The following DYNC2H1 variants were observed in gnomAD, a reference collection of about 807,000 sequenced individuals.
DYNC2H1 encodes dynein cytoplasmic 2 heavy chain 1, also known as cytoplasmic dynein 2 heavy chain 1.
Under a neutral mutation model 570.0 loss-of-function variants are expected in DYNC2H1, and 410 were observed. That is an observed-to-expected ratio of 0.72 (90% confidence interval 0.66 to 0.78). The LOEUF is 0.78. Among genes scored for constraint, DYNC2H1 ranks in the 30% least tolerant of loss-of-function variants. The pLI is 0.00. For missense variants in DYNC2H1, 4,865 were observed against 5,046.4 expected (o/e 0.96, Z 1.09); for synonymous variants, 1,688 against 1,677.6 (o/e 1.01, Z -0.15).
At position 103,158,932 on chromosome 11, in the gene DYNC2H1, G is replaced by T; in HGVS notation, c.4283G>T (p.Arg1428Ile). ...TAGGAAAAACGCTCAGCATTCCCAAGATTTTATTTTATTGGTGATGATGAC... is the reference window on the plus strand; with the variant it reads ...TAGGAAAAACGCTCAGCATTCCCAATATTTTATTTTATTGGTGATGATGAC... The part of the protein sequence containing the change: ...FLEEKRSAFP[R>I]FYFIGDDDLL... Residue 1428 changes from arginine to isoleucine, a missense_variant, in exon 28 of 89, where the codon AGA becomes ATA. By Grantham distance (97) the Arg-to-Ile change is moderately conservative. Coordinates refer to ENST00000375735, the MANE Select transcript of DYNC2H1 (RefSeq NM_001377.3). 6.2e-7 allele frequency: 1 copy of T among 1,610,018 alleles called. No individual in the cohort carries two copies. Among genetic ancestry groups the T allele is most frequent in the Non-Finnish European group, 8.5e-7 (1 of 1,178,940 alleles).
Position 103,143,276 on chromosome 11 carries a change from T to C in DYNC2H1, c.2583T>C (p.Ile861=), listed in dbSNP as rs778056779. 40 of 1,613,198 alleles carry C rather than the reference T, an allele frequency of 2.5e-5. No homozygotes were observed. Among genetic ancestry groups the C allele is most frequent in the Non-Finnish European group, 3.1e-5 (36 of 1,179,582 alleles). The change falls in exon 18 of 89, where the codon ATT becomes ATC. Residue 861 remains isoleucine, a synonymous_variant. Transcript: ENST00000375735. ...SAVLHQHKEW[I]VIGQVDMEAL... Reference sequence around the variant, plus strand: ...TTTCTTTCTTTAAATAGGAATGGATTGTAATTGGGCAAGTTGATATGGAAG... The same window carrying C: ...TTTCTTTCTTTAAATAGGAATGGATCGTAATTGGGCAAGTTGATATGGAAG...
Position 103,465,972 on chromosome 11 carries a change from G to C in DYNC2H1, c.12649-2617G>C, listed in dbSNP as rs1030234694. 6.6e-6 allele frequency among the ~76,000 whole-genome samples: 1 copy of C among 152,156 alleles called. No individual in the cohort carries two copies. The highest frequency in any genetic ancestry group is 1.5e-5 in the Non-Finnish European group (1 of 68,036). ...GCAGCCAAGCTTACTTGGCAAAGGGGTGCATATTAGGAGGAGAGGAATGTT... is the reference window on the plus strand; with the variant it reads ...GCAGCCAAGCTTACTTGGCAAAGGGCTGCATATTAGGAGGAGAGGAATGTT... On this transcript the variant is annotated intron_variant, in intron 87 of 88. Coordinates refer to ENST00000375735, the MANE Select transcript of DYNC2H1 (RefSeq NM_001377.3). The surrounding 1 kb of genome is among the most constrained non-coding windows in gnomAD (Gnocchi z 4.9).
chr11:103,214,762 T>G (rs1310362039), intron 54 of DYNC2H1, among the ~76,000 whole-genome samples: 1 of 151,568 alleles, frequency 6.6e-6, no homozygotes, highest in Non-Finnish European at 1.5e-5. Flanking sequence ...CTAATACTTT[T>G]GATCCATGAG....
intron 70 of DYNC2H1, among the ~76,000 whole-genome samples, chr11:103,262,105 T>C (rs1322887766): frequency 1.3e-5 from 2 of 152,042 alleles, no homozygotes; most frequent in Non-Finnish European, 2.9e-5. Flanking sequence ...ATATCAGAGA[T>C]TGAAGATCAA....
intron 36 of DYNC2H1, among the ~76,000 whole-genome samples, chr11:103,174,698 A>G (rs1161400306): frequency 6.6e-6 from 1 of 152,166 alleles, no homozygotes; most frequent in East Asian, 1.9e-4. Flanking sequence ...GTTTGGAAAG[A>G]ATACCGCAGA....
At chr11:103,155,229 A>T in intron 24 of DYNC2H1, 102 bp from the exon 25 acceptor site, 1 of 1,098,524 alleles carries the variant, frequency 9.1e-7, no homozygotes, top group Non-Finnish European at 1.3e-6. Flanking sequence ...AATAATTAAA[A>T]TTTTGGTAAC....
chr11:103,117,858 G>A lies in DYNC2H1; in HGVS notation c.994G>A (p.Glu332Lys). ...ACTTGACAAACTTGGCAAACGCCTT[G>A]AAGAGGTATCAATTTGATTATCTAG... The part of the protein sequence containing the change: ...ETLDKLGKRL[E>K]EVLAIRTIHE... The change falls in exon 6 of 89, where the codon GAA becomes AAA. Residue 332 changes from glutamate (E) to lysine (K), a missense_variant. Around this residue, in one of 5 missense-constraint regions of DYNC2H1, gnomAD observed 1,936 missense variants for 1,962.1 expected, o/e 0.99. Transcript: ENST00000375735. 5.6e-6 allele frequency: 9 copies of A among 1,609,202 alleles called. No homozygotes were observed. Among genetic ancestry groups the A allele is most frequent in the Non-Finnish European group, 7.6e-6 (9 of 1,177,238 alleles).
intron 65 of DYNC2H1, among the ~76,000 whole-genome samples, chr11:103,247,618 CA>C (rs1371937023): frequency 6.6e-6 from 1 of 152,028 alleles, no homozygotes; most frequent in Non-Finnish European, 1.5e-5. Context: ...AACTACCTAA[CA>C]ACAAATAATT....
intron 40 of DYNC2H1, among the ~76,000 whole-genome samples, chr11:103,182,242 T>A (rs563422913): frequency 2.0e-5 from 3 of 150,516 alleles, no homozygotes; most frequent in Non-Finnish European, 4.4e-5. Context: ...TATGTATATA[T>A]AATATATAGG....
intron 83 of DYNC2H1, among the ~76,000 whole-genome samples, chr11:103,383,676 A>G (rs372316197): frequency 1.7e-4 from 26 of 151,748 alleles, no homozygotes; most frequent in African/African-American, 6.0e-4. Context: ...GGGTTTCACC[A>G]TGTTAGCCAG....
Position 103,257,711 on chromosome 11 carries a change from C to T in DYNC2H1, c.10565C>T (p.Ala3522Val), listed in dbSNP as rs1565438414. The change falls in exon 69 of 89, where the codon GCT (alanine) becomes GTT (valine). Residue 3522 changes from alanine to valine, a missense_variant. Transcript: ENST00000375735. Reference protein sequence around the residue: ...INNMYRFSLAAFLRLFQRALQ... With the variant: ...INNMYRFSLAVFLRLFQRALQ... ...AACATGTACCGTTTTAGTTTGGCTG[C>T]TTTTCTCCGACTTTTCCAACGAGCT... 6.2e-7 allele frequency: 1 copy of T among 1,607,020 alleles called. No individual in the cohort carries two copies. The highest frequency in any genetic ancestry group is 2.2e-5 in the East Asian group (1 of 44,670).
Position 103,280,262 on chromosome 11 carries a change from A to AT in DYNC2H1, c.10696-81dup, listed in dbSNP as rs568443720. On this transcript the variant is annotated intron_variant, in intron 70 of 88. Transcript: ENST00000375735. The surrounding 1 kb of genome is among the most constrained non-coding windows in gnomAD (Gnocchi z 4.7). ...TAGGTCATATGAAGACAGAATAGAG[A>AT]TTTTTGTGTGCCAAATTTTAACGAC... is the stretch of plus-strand genomic sequence containing the variant. The AT allele has an allele frequency of 4.4e-4, 595 of 1,348,652 alleles. No individual in the cohort carries two copies. In the African/African-American group the frequency reaches 7.6e-3, roughly 17 times the overall value. The allele number at this position is 1,348,652 out of a possible 1,614,324, so 83.5% of individuals were successfully genotyped here. A position where few individuals can be genotyped will look rare whatever the true frequency, so the allele number is the denominator to read the frequency against.
chr11:103,345,824 T>C (rs1400200717), intron 82 of DYNC2H1, among the ~76,000 whole-genome samples: 1 of 152,168 alleles, frequency 6.6e-6, no homozygotes, highest in Non-Finnish European at 1.5e-5. Context: ...AAGAGAGATG[T>C]TAGAAAACAG....
Position 103,446,865 on chromosome 11 carries a change from G to C in DYNC2H1, c.12457-8321G>C, listed in dbSNP as rs2135782926. ...TGAACTATTCACAAAATAAGTTATA[G>C]TTATAAATTATTATTAATAATTAAG... On this transcript the variant is annotated intron_variant, in intron 85 of 88. Coordinates refer to ENST00000375735, the MANE Select transcript of DYNC2H1 (RefSeq NM_001377.3). This position sits in a 1 kb window ranked among gnomAD's most constrained non-coding sequence, Gnocchi z 4.5. 6.6e-6 allele frequency among the ~76,000 whole-genome samples: 1 copy of C among 152,110 alleles called. No individual in the cohort carries two copies. Among genetic ancestry groups the C allele is most frequent in the South Asian group, 2.1e-4 (1 of 4,822 alleles).
rs2135094328 is a variant in DYNC2H1 at position 103,203,514 on chromosome 11, TATAG to T, written c.8198-145_8198-142del. On this transcript the variant is annotated intron_variant, in intron 50 of 88. Coordinates refer to ENST00000375735, the MANE Select transcript of DYNC2H1 (RefSeq NM_001377.3). This position sits in a 1 kb window ranked among gnomAD's most constrained non-coding sequence, Gnocchi z 4.7. The stretch of plus-strand genomic sequence containing the variant: ...TGTTTGAATTTTATCAAATGAGGGC[TATAG>T]ATAAAGATTTGTGAGTCAAGTAGAG... 8.8e-6 allele frequency: 5 copies of T among 565,502 alleles called. No individual in the cohort carries two copies. The highest frequency in any genetic ancestry group is 5.2e-5 in the South Asian group (2 of 38,766). The allele number at this position is 565,502 out of a possible 1,614,324, so 35.0% of individuals were successfully genotyped here.
chr11:103,245,252 A>T lies in DYNC2H1; in HGVS notation c.9920A>T (p.Asp3307Val). Residue 3307 changes from aspartate (D) to valine (V), a missense_variant and splice_region_variant, in exon 65 of 89, where the codon GAT (aspartate) becomes GTT (valine). Physicochemically the swap from Asp to Val is radical, Grantham distance 152. Coordinates refer to ENST00000375735, the MANE Select transcript of DYNC2H1 (RefSeq NM_001377.3). This position sits in a 1 kb window ranked among gnomAD's most constrained non-coding sequence, Gnocchi z 4.5. The stretch of plus-strand genomic sequence containing the variant: ...ACGTATTCTTTTTTATTCAATTAGG[A>T]TAGTAACTTTATCACAGCTCTTGAA... ...DSRLEVINQQ[D>V]SNFITALELA... The T allele has an allele frequency of 6.5e-7, 1 of 1,530,998 alleles. No homozygotes were observed. Among genetic ancestry groups the T allele is most frequent in the Non-Finnish European group, 8.8e-7 (1 of 1,134,082 alleles). The allele number at this position is 1,530,998 out of a possible 1,614,324, so 94.8% of individuals were successfully genotyped here.
At position 103,155,439 on chromosome 11, in the gene DYNC2H1, C is replaced by T; in HGVS notation, c.3682C>T (p.Leu1228=). The change falls in exon 25 of 89, where the codon CTA becomes TTA. Residue 1228 remains leucine, a synonymous_variant. Coordinates refer to ENST00000375735, the MANE Select transcript of DYNC2H1 (RefSeq NM_001377.3). The stretch of plus-strand genomic sequence containing the variant: ...TCCTAGGGGGACTAGTCTAGAGAAA[C>T]TACTGTTTGGTGATTTGCTCAGAGT... ...GLPRGTSLEK[L]LFGDLLRVAD... is the part of the protein sequence containing the mutation. 3.7e-6 allele frequency: 6 copies of T among 1,612,348 alleles called. No individual in the cohort carries two copies. Among genetic ancestry groups the T allele is most frequent in the Non-Finnish European group, 4.2e-6 (5 of 1,179,118 alleles).
At position 103,135,508 on chromosome 11, in the gene DYNC2H1, G is replaced by A. The variant is rs917272376; in HGVS notation, c.2219G>A (p.Ser740Asn). 4.5e-6 allele frequency: 7 copies of A among 1,556,260 alleles called. No homozygotes were observed. In the African/African-American group the frequency reaches 8.2e-5, roughly 18 times the overall value. Residue 740 changes from serine to asparagine, a missense_variant, in exon 16 of 89, where the codon AGT (serine) becomes AAT (asparagine). This residue lies in a region of DYNC2H1 where 1,936 missense variants were observed against 1,962.1 expected (regional missense o/e 0.99). Transcript: ENST00000375735. ...GTAACATATTAGGGATTCCAAGCAA[G>A]TGACATGCATGCATGGAAACAACAC... The part of the protein sequence containing the change: ...ATVEAQGFQA[S>N]DMHAWKQHWN...
At chr11:103,386,341 C>A (rs1318097976) in intron 83 of DYNC2H1, among the ~76,000 whole-genome samples, 1 of 151,990 alleles carries the variant, frequency 6.6e-6, no homozygotes, top group Non-Finnish European at 1.5e-5. Flanking sequence ...CTCATTGAGT[C>A]TCTACAGTAG....
Sources: gnomAD v4.1 joint callset for allele counts (sites outside exome capture counted in the v4.1 genomes callset) on GRCh38, gnomAD v4.1.1 for gene constraint, gnomAD v4.1.1 regional missense constraint, Gnocchi (gnomAD v3.1) non-coding constraint, MANE v1.5 for transcripts, NCBI Gene and HGNC (gene_info 2026-07-23, HGNC 2026-07-21) for gene names.